The following PRELID2 variants were observed in gnomAD, a reference collection of about 807,000 sequenced individuals.
PRELID2 encodes the protein PRELI domain containing 2.
PRELID2 carries 25 observed loss-of-function variants against 28.4 expected under a neutral mutation model. That is an observed-to-expected ratio of 0.88 (90% CI 0.64 to 1.23). The LOEUF is 1.23. Among genes scored for constraint, PRELID2 ranks in the 50% most tolerant of loss-of-function variants. PRELID2 has a pLI of 0.00. For missense variants in PRELID2, 201 were observed against 214.4 expected (o/e 0.94, Z 0.39); for synonymous variants, 76 against 71.6 (o/e 1.06, Z -0.31).
At chr5:145,255,589 A>G in the PRELID2 span, among the ~76,000 whole-genome samples, 1 of 151,924 alleles carries the variant, frequency 6.6e-6, no homozygotes, top group African/African-American at 2.4e-5. Flanking sequence ...ACTGAGCAAC[A>G]TAGTGAGAAC....
At chr5:145,409,038 A>G in the PRELID2 span, among the ~76,000 whole-genome samples, 2 of 152,198 alleles carry the variant, frequency 1.3e-5, no homozygotes, top group Non-Finnish European at 2.9e-5. Context: ...AAACCCTACA[A>G]GCCAGAAAGG....
intron 1 of PRELID2, among the ~76,000 whole-genome samples, chr5:145,567,279 G>A (rs1243604073): frequency 1.3e-5 from 2 of 152,180 alleles, no homozygotes; most frequent in Non-Finnish European, 2.9e-5. Context: ...AGAAGAAAGT[G>A]ATTGAATCAT....
At chr5:145,353,343 G>A in the PRELID2 span, among the ~76,000 whole-genome samples, 1 of 151,970 alleles carries the variant, frequency 6.6e-6, no homozygotes, top group Non-Finnish European at 1.5e-5. Flanking sequence ...CACACCTGTA[G>A]TCTCAGATAC....
At chr5:145,285,645 A>G in the PRELID2 span, among the ~76,000 whole-genome samples, 1 of 152,094 alleles carries the variant, frequency 6.6e-6, no homozygotes, top group Non-Finnish European at 1.5e-5. Context: ...AACAACCACA[A>G]CAACAACAAC....
chr5:145,700,904 T>C (rs1259815753), intron 1 of PRELID2, among the ~76,000 whole-genome samples: 1 of 152,156 alleles, frequency 6.6e-6, no homozygotes, highest in Admixed American at 6.5e-5. Flanking sequence ...CCACAGAGAC[T>C]ATGGCTGCCC....
At chr5:145,708,410 T>C (rs1294446112) in intron 1 of PRELID2, among the ~76,000 whole-genome samples, 1 of 152,158 alleles carries the variant, frequency 6.6e-6, no homozygotes, top group Non-Finnish European at 1.5e-5. Flanking sequence ...ATAAAATAGT[T>C]TATTGAGTTA....
the PRELID2 span, among the ~76,000 whole-genome samples, chr5:145,434,996 C>T: frequency 2.6e-5 from 4 of 152,174 alleles, no homozygotes; most frequent in East Asian, 1.9e-4. Context: ...TGTTAAATGA[C>T]GATGAAAACA....
chr5:145,655,273 T>C (rs1182911426), intron 1 of PRELID2, among the ~76,000 whole-genome samples: 3 of 152,076 alleles, frequency 2.0e-5, no homozygotes, highest in Non-Finnish European at 2.9e-5. Flanking sequence ...TGGAAGAACA[T>C]TCCATGCTCA....
At chr5:145,336,974 A>C in the PRELID2 span, among the ~76,000 whole-genome samples, 1 of 72,804 alleles carries the variant, frequency 1.4e-5, no homozygotes, top group Non-Finnish European at 2.4e-5. Context: ...GGGTGGGGGG[A>C]GGGGGGAGGG....
At chr5:145,553,413 C>T (rs1752854612) in intron 1 of PRELID2, among the ~76,000 whole-genome samples, 1 of 152,178 alleles carries the variant, frequency 6.6e-6, no homozygotes, top group African/African-American at 2.4e-5. Context: ...TAGTTCCACC[C>T]TGGCACTCCA....
At chr5:145,819,486 AT>A (rs1335841962) in intron 3 of PRELID2, 5 of 960,870 alleles carry the variant, frequency 5.2e-6, no homozygotes, top group Non-Finnish European at 6.6e-6. Flanking sequence ...AGAAATACAC[AT>A]AAAGACTTAC....
At chr5:145,831,311 T>A (rs1755567570) in intron 1 of PRELID2, among the ~76,000 whole-genome samples, 1 of 152,186 alleles carries the variant, frequency 6.6e-6, no homozygotes, top group Non-Finnish European at 1.5e-5. Context: ...CAGGACTGCA[T>A]CCACCTAAAG....
chr5:145,605,017 T>C (rs1206664767), intron 1 of PRELID2, among the ~76,000 whole-genome samples: 1 of 149,882 alleles, frequency 6.7e-6, no homozygotes, highest in African/African-American at 2.4e-5. Context: ...TTTAATGGGG[T>C]TGTTTGGTTT....
intron 1 of PRELID2, among the ~76,000 whole-genome samples, chr5:145,577,501 T>G (rs1753070884): frequency 6.6e-6 from 1 of 151,806 alleles, no homozygotes; most frequent in Non-Finnish European, 1.5e-5. Flanking sequence ...AAAATAGGTC[T>G]GGCAGAAGAA....
the PRELID2 span, among the ~76,000 whole-genome samples, chr5:145,245,296 T>G: frequency 2.0e-5 from 3 of 152,054 alleles, no homozygotes; most frequent in African/African-American, 4.8e-5. Context: ...TAAATTTGTA[T>G]TTCAGAAAAA....
chr5:145,595,122 A>C (rs192819053), intron 1 of PRELID2, among the ~76,000 whole-genome samples: 48 of 143,366 alleles, frequency 3.3e-4, no homozygotes, highest in African/African-American at 1.2e-3. Flanking sequence ...AGCCATCTCA[A>C]AAAGAAAAAA....
chr5:145,574,124 C>A (rs886424669), intron 1 of PRELID2, among the ~76,000 whole-genome samples: 28 of 152,014 alleles, frequency 1.8e-4, no homozygotes, highest in Admixed American at 3.9e-4. Context: ...AACAGGGAGG[C>A]AGAAAAGAGA....
the PRELID2 span, among the ~76,000 whole-genome samples, chr5:145,383,207 T>C: frequency 6.6e-6 from 1 of 151,814 alleles, no homozygotes; most frequent in East Asian, 1.9e-4. Context: ...TACATGTGTG[T>C]ATATATATCT....
intron 1 of PRELID2, among the ~76,000 whole-genome samples, chr5:145,696,711 ACCTCGGCCT>A (rs749570204): frequency 5.3e-5 from 8 of 151,804 alleles, no homozygotes; most frequent in Non-Finnish European, 1.2e-4. Context: ...TGATCTGCCC[ACCTCGGCCT>A]CCCAAAGTGC....
Sources: allele counts gnomAD v4.1 joint callset (sites outside exome capture counted in the v4.1 genomes callset), GRCh38; gene constraint gnomAD v4.1.1; transcripts MANE v1.5; gene names NCBI Gene and HGNC (gene_info 2026-07-23, HGNC 2026-07-21).